The following DOCK2 variants were observed in gnomAD, a reference collection of about 807,000 sequenced individuals.
The protein encoded by DOCK2 is dedicator of cytokinesis 2.
A neutral mutation model predicts 248.9 loss-of-function variants in DOCK2; 87 were observed. The observed-to-expected ratio is 0.35, with a 90% CI of 0.29 to 0.42. DOCK2 has a LOEUF of 0.42. Ranked by LOEUF, DOCK2 falls within the 10% of genes least tolerant of loss-of-function variation. The pLI is 1.00. For synonymous variants in DOCK2, 805 were observed against 821.6 expected, an observed-to-expected ratio of 0.98 and a Z score of 0.35; for missense variants, 1,747 against 2,300.2, an observed-to-expected ratio of 0.76 and a Z score of 4.92.
chr5:169,691,739 G>A (rs543008245), intron 9 of DOCK2, among the ~76,000 whole-genome samples: 9 of 152,250 alleles, frequency 5.9e-5, no homozygotes, highest in Admixed American at 3.3e-4. Flanking sequence ...CTCCTATGTT[G>A]GGGGAAGGCT....
Position 169,864,867 on chromosome 5 carries a change from TG to T in DOCK2, c.2799+24020del, listed in dbSNP as rs1460111620. Reference sequence around the variant, plus strand: ...CAGCTCAGTTTCATTATCTGTAAAATGGGGGTAATAAGAGCACCTATCTCAA... The same window carrying T: ...CAGCTCAGTTTCATTATCTGTAAAATGGGGTAATAAGAGCACCTATCTCAA... On this transcript the variant is annotated intron_variant, in intron 27 of 51. Coordinates refer to ENST00000520908, the MANE Select transcript of DOCK2 (RefSeq NM_004946.3). Among the ~76,000 whole-genome samples, 5 of 152,230 alleles carry T rather than the reference TG, an allele frequency of 3.3e-5. No homozygotes were observed. The South Asian group carries it at 1.0e-3, about 32-fold the overall frequency.
Position 169,708,169 on chromosome 5 carries a change from A to G in DOCK2, c.1384A>G (p.Asn462Asp). 6.2e-7 allele frequency: 1 copy of G among 1,613,770 alleles called. No homozygotes were observed. The highest frequency in any genetic ancestry group is 8.5e-7 in the Non-Finnish European group (1 of 1,179,894). ...VCAEDGKTLP[N>D]AICVGAGDKP... ...CCTCACTTTGTTTTTCTTGGGTCAG[A>G]ATGCAATTTGCGTGGGAGCAGGGGA... The change falls in exon 15 of 52, where the codon AAT becomes GAT. Residue 462 changes from asparagine (N) to aspartate (D), a missense_variant and splice_region_variant. By Grantham distance (23) the Asn-to-Asp change is conservative. Around this residue, in one of 4 missense-constraint regions of DOCK2, gnomAD observed 858 missense variants for 1,183.5 expected, o/e 0.72. Coordinates refer to ENST00000520908, the MANE Select transcript of DOCK2 (RefSeq NM_004946.3).
intron 44 of DOCK2, among the ~76,000 whole-genome samples, chr5:170,062,305 C>A (rs949167099): frequency 6.6e-6 from 1 of 152,062 alleles, no homozygotes; most frequent in Non-Finnish European, 1.5e-5. Context: ...ACATAGCAGA[C>A]TAGGAAGCTC....
chr5:169,645,235 A>G (rs893511839), intron 1 of DOCK2, among the ~76,000 whole-genome samples: 1 of 152,140 alleles, frequency 6.6e-6, no homozygotes, highest in Non-Finnish European at 1.5e-5. Context: ...TAGTTGAACT[A>G]ATTTACATTC....
At chr5:169,945,278 C>T (rs138344243) in intron 27 of DOCK2, among the ~76,000 whole-genome samples, 42 of 152,358 alleles carry the variant, frequency 2.8e-4, no homozygotes, top group East Asian at 1.5e-3. Context: ...ACCATACTAA[C>T]GCCTTAGCAG....
intron 1 of DOCK2, among the ~76,000 whole-genome samples, chr5:169,652,837 G>T (rs10063121): frequency 3.5e-4 from 54 of 152,306 alleles, no homozygotes; most frequent in African/African-American, 1.2e-3. Context: ...AAAAGAATCT[G>T]CACAGAACCC....
chr5:170,005,936 T>C (rs915054183), intron 30 of DOCK2, among the ~76,000 whole-genome samples: 4 of 152,228 alleles, frequency 2.6e-5, no homozygotes, highest in Non-Finnish European at 5.9e-5. Context: ...CTATTTCCCA[T>C]GTACCTTAAT....
At chr5:170,045,335 C>T (rs1023668377) in intron 38 of DOCK2, among the ~76,000 whole-genome samples, 11 of 152,172 alleles carry the variant, frequency 7.2e-5, no homozygotes, top group African/African-American at 2.7e-4. Flanking sequence ...GCCAACACCT[C>T]CCTGAGGAGG....
chr5:169,668,690 T>G (rs1758865236), intron 2 of DOCK2, among the ~76,000 whole-genome samples: 1 of 152,228 alleles, frequency 6.6e-6, no homozygotes, highest in Admixed American at 6.5e-5. Context: ...TTGATACATT[T>G]TTTAATATAA....
intron 27 of DOCK2, among the ~76,000 whole-genome samples, chr5:169,933,960 T>G (rs1016883281): frequency 6.6e-6 from 1 of 152,206 alleles, no homozygotes; most frequent in Non-Finnish European, 1.5e-5. Flanking sequence ...TGTGCCTTTT[T>G]GTCTTTTTCT....
At chr5:169,885,645 C>A (rs1309298007) in intron 27 of DOCK2, among the ~76,000 whole-genome samples, 4 of 152,164 alleles carry the variant, frequency 2.6e-5, no homozygotes, top group African/African-American at 7.2e-5. Flanking sequence ...ACTTTACATG[C>A]ATTAATTAAA....
chr5:169,745,191 C>T (rs1763541278), intron 22 of DOCK2, among the ~76,000 whole-genome samples: 1 of 152,180 alleles, frequency 6.6e-6, no homozygotes, highest in Non-Finnish European at 1.5e-5. Flanking sequence ...CATGGGGAGG[C>T]TGACCACCAC....
intron 24 of DOCK2, chr5:169,761,218 G>T: frequency 4.1e-6 from 1 of 244,624 alleles, no homozygotes; most frequent in South Asian, 8.3e-5. Flanking sequence ...ATTGTATATA[G>T]CTTGTAGAGT....
At chr5:169,719,851 G>T (rs1223401297) in intron 22 of DOCK2, among the ~76,000 whole-genome samples, 2 of 150,674 alleles carry the variant, frequency 1.3e-5, no homozygotes, top group Admixed American at 6.6e-5. Context: ...GTGTGGACTT[G>T]TTATTTTAGA....
intron 25 of DOCK2, among the ~76,000 whole-genome samples, chr5:169,783,514 A>G (rs983596514): frequency 6.6e-6 from 1 of 152,226 alleles, no homozygotes; most frequent in South Asian, 2.1e-4. Context: ...CTGAATGGCA[A>G]TAAATGCTAG....
In DOCK2 at chr5:169,943,777, C is replaced by T. The variant is rs139154374; in HGVS notation, c.2800-39291C>T. On this transcript the variant is annotated intron_variant, in intron 27 of 51. Coordinates refer to ENST00000520908, the MANE Select transcript of DOCK2 (RefSeq NM_004946.3). The stretch of plus-strand genomic sequence containing the variant: ...AGGCCTACTGATTCAGAACAGTTGA[C>T]GGTAGGGTCCAGGGACCTGTGTTTT... 9.9e-5 allele frequency among the ~76,000 whole-genome samples: 15 copies of T among 152,242 alleles called. 1 individual carries two copies. The East Asian group carries it at 1.9e-3, about 20-fold the overall frequency.
In DOCK2 at chr5:170,037,038, A is replaced by G. The variant is rs1581545868; in HGVS notation, c.3665+483A>G. Among the ~76,000 whole-genome samples, 3 of 152,204 alleles carry G rather than the reference A, an allele frequency of 2.0e-5. No individual in the cohort carries two copies. The South Asian group carries it at 6.2e-4, about 32-fold the overall frequency. On this transcript the variant is annotated intron_variant, in intron 36 of 51. Coordinates refer to ENST00000520908, the MANE Select transcript of DOCK2 (RefSeq NM_004946.3). ...AAGGTTTTTTGGGGACATTAGCCTG[A>G]AGCAAAGAACTCCTTTGCCAGTTTT...
At chr5:169,651,665 G>T (rs1757812142) in intron 1 of DOCK2, among the ~76,000 whole-genome samples, 1 of 152,232 alleles carries the variant, frequency 6.6e-6, no homozygotes, top group Non-Finnish European at 1.5e-5. Flanking sequence ...GCAGGGAGCA[G>T]AGTCTACCCA....
At chr5:169,869,225 C>CAGGGA (rs1258257283) in intron 27 of DOCK2, among the ~76,000 whole-genome samples, 5 of 152,186 alleles carry the variant, frequency 3.3e-5, no homozygotes, top group Non-Finnish European at 7.3e-5. Flanking sequence ...CATCTACATT[C>CAGGGA]AGGGAAGAAC....
Sources: allele counts gnomAD v4.1 joint callset (sites outside exome capture counted in the v4.1 genomes callset), GRCh38; gene constraint gnomAD v4.1.1; regional missense constraint gnomAD v4.1.1; transcripts MANE v1.5; gene names NCBI Gene and HGNC (gene_info 2026-07-23, HGNC 2026-07-21).